The following STAT4 variants were observed in gnomAD, a reference collection of about 807,000 sequenced individuals.
STAT4 encodes the protein signal transducer and activator of transcription 4.
STAT4 carries 42 observed loss-of-function variants against 110.5 expected under a neutral mutation model. The observed-to-expected ratio is 0.38, with a 90% confidence interval of 0.30 to 0.49. The LOEUF (loss-of-function observed/expected upper bound fraction) is 0.49. STAT4 is among the 20% of genes least tolerant of loss of function. The pLI is 0.95. For synonymous variants in STAT4, 284 were observed against 302.2 expected, an observed-to-expected ratio of 0.94 and a Z score of 0.63; for missense variants, 632 against 887.9, an observed-to-expected ratio of 0.71 and a Z score of 3.66.
rs1391538902 is a variant in STAT4, at chr2:191,116,544, T to A, written c.273+30069A>T. Among the ~76,000 whole-genome samples, 1 of 152,218 alleles carries A rather than the reference T, an allele frequency of 6.6e-6. No individual in the cohort carries two copies. The highest frequency in any genetic ancestry group is 1.5e-5 in the Non-Finnish European group (1 of 68,042). On this transcript the variant is annotated intron_variant, in intron 3 of 23. Transcript: ENST00000392320. The surrounding 1 kb of genome is among the most constrained non-coding windows in gnomAD (Gnocchi z 4.1). ...TAACCTTATAGATTTAGAATTTTTT[T>A]AAAAGCATATTGCATGAAATTTAGA...
chr2:191,079,670 T>G (rs1463371625), intron 3 of STAT4, among the ~76,000 whole-genome samples: 2 of 152,096 alleles, frequency 1.3e-5, no homozygotes, highest in East Asian at 3.8e-4. Flanking sequence ...CTAACTTCCA[T>G]CAGGATTTCA....
chr2:191,034,454 G>T, intron 18 of STAT4, 94 bp downstream of exon 18: 3 of 932,026 alleles, frequency 3.2e-6, no homozygotes, highest in Non-Finnish European at 5.1e-6. Context: ...ATTCTTATCT[G>T]GGAAATTCTC....
At position 191,150,328 on chromosome 2, in the gene STAT4, A is replaced by AG. The variant is rs1699561663; in HGVS notation, c.-2+618dup. The stretch of plus-strand genomic sequence containing the variant: ...GCAGGTTTCTTTGCTTTCACTCTCT[A>AG]GGGGCTACTTCTTTCTCATGAAAAC... On this transcript the variant is annotated intron_variant, in intron 1 of 23. Transcript: ENST00000392320. The surrounding 1 kb of genome is among the most constrained non-coding windows in gnomAD (Gnocchi z 6.4). 1.3e-5 allele frequency among the ~76,000 whole-genome samples: 2 copies of AG among 152,108 alleles called. 1 individual carries two copies. The highest frequency in any genetic ancestry group is 1.3e-4 in the Admixed American group (2 of 15,276).
rs1450673963 is a variant in STAT4 at position 191,110,025 on chromosome 2, G to A, written c.274-33700C>T. Among the ~76,000 whole-genome samples the A allele has an allele frequency of 6.6e-6, 1 of 152,066 alleles. No homozygotes were observed. The highest frequency in any genetic ancestry group is 2.4e-5 in the African/African-American group (1 of 41,388). ...GAAAGGCCACAATATGCAAACTCCT[G>A]GTTTCCAATATGAGTTGTCACCTCC... On this transcript the variant is annotated intron_variant, in intron 3 of 23. Transcript: ENST00000392320. The surrounding 1 kb of genome is among the most constrained non-coding windows in gnomAD (Gnocchi z 4.5).
chr2:191,100,190 C>T (rs188394199), intron 3 of STAT4, among the ~76,000 whole-genome samples: 89 of 152,238 alleles, frequency 5.8e-4, no homozygotes, highest in Admixed American at 9.2e-4. Flanking sequence ...CTGACATTTA[C>T]GAAGCAACTC....
chr2:191,036,624 C>T (rs1197825369), intron 16 of STAT4, among the ~76,000 whole-genome samples: 1 of 152,218 alleles, frequency 6.6e-6, no homozygotes, highest in Non-Finnish European at 1.5e-5. Flanking sequence ...CTTGGCTTCT[C>T]AAGTTGCCCG....
chr2:191,057,115 C>T (rs935040384), intron 13 of STAT4, among the ~76,000 whole-genome samples: 1 of 152,144 alleles, frequency 6.6e-6, no homozygotes, highest in Non-Finnish European at 1.5e-5. Flanking sequence ...GAATTTATTC[C>T]TTTTATCTAA....
At position 191,091,111 on chromosome 2, in the gene STAT4, A is replaced by G. The variant is rs1454616782; in HGVS notation, c.274-14786T>C. On this transcript the variant is annotated intron_variant, in intron 3 of 23. Coordinates refer to ENST00000392320, the MANE Select transcript of STAT4 (RefSeq NM_003151.4). The surrounding 1 kb of genome is among the most constrained non-coding windows in gnomAD (Gnocchi z 5.4). ...CTCGTCATCATTAGAAAGTGTTTAGACAAGATTATAAGGACAAGAAAATGA... is the reference window on the plus strand; with the variant it reads ...CTCGTCATCATTAGAAAGTGTTTAGGCAAGATTATAAGGACAAGAAAATGA... 2.0e-5 allele frequency among the ~76,000 whole-genome samples: 3 copies of G among 152,196 alleles called. No individual in the cohort carries two copies. The highest frequency in any genetic ancestry group is 2.9e-5 in the Non-Finnish European group (2 of 68,036).
chr2:191,032,177 A>C lies in STAT4; in HGVS notation c.2045-661T>G, dbSNP rs1396482610. On this transcript the variant is annotated intron_variant, in intron 21 of 23. Transcript: ENST00000392320. This position sits in a 1 kb window ranked among gnomAD's most constrained non-coding sequence, Gnocchi z 4.9. ...TGTATTTTTGTTTATTTCAGAGGGC[A>C]TGAAGTCAGGTGGCTGCAAGTCTGT... 1.3e-5 allele frequency: 2 copies of C among 152,276 alleles called. No homozygotes were observed. The highest frequency in any genetic ancestry group is 4.8e-5 in the African/African-American group (2 of 41,438). 9.4% of individuals were successfully genotyped at this position (152,276 alleles called of 1,614,324 possible).
intron 3 of STAT4, among the ~76,000 whole-genome samples, chr2:191,126,521 G>A (rs766709597): frequency 2.0e-5 from 3 of 152,176 alleles, no homozygotes; most frequent in African/African-American, 2.4e-5. Context: ...CCTTCATGTC[G>A]TCTTTCTCTA....
chr2:191,101,718 T>C (rs957987527), intron 3 of STAT4, among the ~76,000 whole-genome samples: 3 of 152,104 alleles, frequency 2.0e-5, no homozygotes, highest in Non-Finnish European at 4.4e-5. Flanking sequence ...ATTTTTACTT[T>C]ATATGTTGAG....
rs1199600138 is a variant in STAT4, at chr2:191,043,662, T to C, written c.1252-2514A>G. Among the ~76,000 whole-genome samples, 1 of 152,092 alleles carries C rather than the reference T, an allele frequency of 6.6e-6. No homozygotes were observed. Among genetic ancestry groups the C allele is most frequent in the Non-Finnish European group, 1.5e-5 (1 of 68,022 alleles). ...AGAAGAATGTTAATTGAAGAATGTT[T>C]ATAGTAGAACTGCTTAGAATGCTAA... On this transcript the variant is annotated intron_variant, in intron 14 of 23. Transcript: ENST00000392320. The surrounding 1 kb of genome is among the most constrained non-coding windows in gnomAD (Gnocchi z 4.8).
chr2:191,078,450 A>C (rs929647774), intron 3 of STAT4, among the ~76,000 whole-genome samples: 2 of 152,134 alleles, frequency 1.3e-5, no homozygotes, highest in African/African-American at 4.8e-5. Flanking sequence ...CGCTGTTTTC[A>C]TCCAGGATAT....
intron 3 of STAT4, among the ~76,000 whole-genome samples, chr2:191,125,476 T>TTTATTATTATTATTATTATTATTA (rs6147087): frequency 0.06 from 8,219 of 137,894 alleles, 348 homozygotes; most frequent in Admixed American, 0.073. Flanking sequence ...ATCCTCATTA[T>TTTATTATTATTATTATTATTATTA]TTATTATTAT....
At position 191,046,358 on chromosome 2, in the gene STAT4, A is replaced by C. The variant is rs1056646701; in HGVS notation, c.1252-5210T>G. Among the ~76,000 whole-genome samples, 106 of 152,338 alleles carry C rather than the reference A, an allele frequency of 7.0e-4. No individual in the cohort carries two copies. The highest frequency in any genetic ancestry group is 2.5e-3 in the African/African-American group (102 of 41,582). ...ATGGTGGCATGGGTAAAGATAGCAC[A>C]GCCATCTTGAGCCATTGCCTGTCCC... On this transcript the variant is annotated intron_variant, in intron 14 of 23. Transcript: ENST00000392320. The surrounding 1 kb of genome is among the most constrained non-coding windows in gnomAD (Gnocchi z 4.6).
At chr2:191,096,097 T>A (rs982383271) in intron 3 of STAT4, among the ~76,000 whole-genome samples, 13 of 152,026 alleles carry the variant, frequency 8.6e-5, no homozygotes, top group African/African-American at 3.1e-4. Flanking sequence ...AATAGACCAA[T>A]AACAGGCTCT....
At chr2:191,045,042 T>C (rs1696310679) in intron 14 of STAT4, among the ~76,000 whole-genome samples, 1 of 152,166 alleles carries the variant, frequency 6.6e-6, no homozygotes, top group African/African-American at 2.4e-5. Flanking sequence ...AATGATATTG[T>C]GAAGATGGGG....
rs565849744 is a variant in STAT4 at position 191,039,735 on chromosome 2, C to T, written c.1336-438G>A. Among the ~76,000 whole-genome samples, 106 of 152,294 alleles carry T rather than the reference C, an allele frequency of 7.0e-4. 1 individual carries two copies. Among genetic ancestry groups the T allele is most frequent in the African/African-American group, 2.4e-3 (99 of 41,556 alleles). On this transcript the variant is annotated intron_variant, in intron 15 of 23. Transcript: ENST00000392320. This position sits in a 1 kb window ranked among gnomAD's most constrained non-coding sequence, Gnocchi z 4.7. ...TGACCTAACACCTAATTAACATAAA[C>T]ACTGGAAGTGGGAGGTTTCTATTGT... is the stretch of plus-strand genomic sequence containing the variant.
chr2:191,081,813 G>C (rs1697488636), intron 3 of STAT4, among the ~76,000 whole-genome samples: 1 of 152,114 alleles, frequency 6.6e-6, no homozygotes, highest in African/African-American at 2.4e-5. Context: ...TGGACTCCTT[G>C]AAGTTCCATT....
Sources: allele counts gnomAD v4.1 joint callset (sites outside exome capture counted in the v4.1 genomes callset), GRCh38; gene constraint gnomAD v4.1.1; non-coding constraint Gnocchi (gnomAD v3.1); transcripts MANE v1.5; gene names NCBI Gene and HGNC (gene_info 2026-07-23, HGNC 2026-07-21).